FAM135B: variants seen among roughly 807,000 people sequenced by gnomAD.
FAM135B encodes family with sequence similarity 135 member B, also known as protein FAM135B.
In FAM135B, 43 loss-of-function variants were observed where a neutral mutation model predicts 127.7. That is an observed-to-expected ratio of 0.34 (90% CI 0.26 to 0.43). The LOEUF is 0.43. Among genes scored for constraint, FAM135B ranks in the 20% least tolerant of loss-of-function variants. The pLI, the probability that FAM135B is intolerant of heterozygous loss-of-function variation, is 1.00. For synonymous variants in FAM135B, 670 were observed against 665.1 expected (o/e 1.01, Z -0.11); for missense variants, 1,558 against 1,725.6 (o/e 0.90, Z 1.72).
At chr8:138,423,471 A>G (rs928223996) in intron 1 of FAM135B, among the ~76,000 whole-genome samples, 3 of 152,136 alleles carry the variant, frequency 2.0e-5, no homozygotes, top group African/African-American at 7.2e-5. Flanking sequence ...GAGACATCAC[A>G]TGTCGGTAGG....
At chr8:138,391,377 C>CTCCTT (rs138517552) in intron 1 of FAM135B, among the ~76,000 whole-genome samples, 6,647 of 152,150 alleles carry the variant, frequency 0.044, 172 homozygotes, top group Non-Finnish European at 0.055. Context: ...TCCCAGCTCC[C>CTCCTT]TCCTTTCACC....
chr8:138,346,513 T>C (rs111718968), intron 2 of FAM135B, among the ~76,000 whole-genome samples: 4,242 of 152,306 alleles, frequency 0.028, 192 homozygotes, highest in African/African-American at 0.096. Flanking sequence ...TCATGTCCTT[T>C]GCAGGGACGT....
At chr8:138,440,917 T>C (rs1014268608) in intron 1 of FAM135B, 10 of 152,198 alleles carry the variant, frequency 6.6e-5, no homozygotes, top group African/African-American at 2.4e-4. Context: ...CCTTCTACTT[T>C]GCTATTTTGG....
At chr8:138,148,097 T>C (rs968863337) in intron 14 of FAM135B, among the ~76,000 whole-genome samples, 4 of 152,218 alleles carry the variant, frequency 2.6e-5, no homozygotes, top group Non-Finnish European at 5.9e-5. Context: ...GACCATTGTA[T>C]TGACTCATGA....
intron 9 of FAM135B, among the ~76,000 whole-genome samples, chr8:138,181,189 C>T (rs1009831962): frequency 1.3e-5 from 2 of 151,922 alleles, no homozygotes; most frequent in East Asian, 1.9e-4. Context: ...TGCAGTGAGC[C>T]GAGATCGCAC....
chr8:138,389,259 A>G (rs539164888), intron 1 of FAM135B, among the ~76,000 whole-genome samples: 14 of 152,192 alleles, frequency 9.2e-5, no homozygotes, highest in Non-Finnish European at 1.8e-4. Flanking sequence ...CACCTCAATG[A>G]ATTAAACCTA....
At chr8:138,271,417 G>A (rs1823366250) in intron 3 of FAM135B, among the ~76,000 whole-genome samples, 1 of 152,114 alleles carries the variant, frequency 6.6e-6, no homozygotes, top group Admixed American at 6.5e-5. Context: ...ATGTTTGTAT[G>A]TTTTTGCTAT....
intron 2 of FAM135B, among the ~76,000 whole-genome samples, chr8:138,323,624 C>G (rs1469625700): frequency 2.0e-5 from 3 of 152,172 alleles, no homozygotes; most frequent in Non-Finnish European, 4.4e-5. Flanking sequence ...TTCTGTGTTT[C>G]TTGTGGTATC....
At chr8:138,245,922 T>C (rs192617027) in intron 6 of FAM135B, among the ~76,000 whole-genome samples, 122 of 152,262 alleles carry the variant, frequency 8.0e-4, no homozygotes, top group Non-Finnish European at 1.4e-3. Context: ...CTGATAGTGA[T>C]ATGGGCAATG....
intron 1 of FAM135B, among the ~76,000 whole-genome samples, chr8:138,430,489 C>A (rs1021082307): frequency 9.2e-5 from 14 of 152,192 alleles, no homozygotes; most frequent in African/African-American, 2.4e-4. Flanking sequence ...GAGCTCTCAG[C>A]TGAGGCTGGG....
At chr8:138,363,265 C>T (rs1830543237) in intron 2 of FAM135B, among the ~76,000 whole-genome samples, 1 of 152,130 alleles carries the variant, frequency 6.6e-6, no homozygotes, top group African/African-American at 2.4e-5. Flanking sequence ...TTGGCATCTG[C>T]TAGATACAAA....
At position 138,183,047 on chromosome 8, in the gene FAM135B, G is replaced by A. The variant is rs1027267856; in HGVS notation, c.874-4357C>T. Among the ~76,000 whole-genome samples the A allele has an allele frequency of 6.1e-5, 9 of 148,558 alleles. No individual in the cohort carries two copies. The South Asian group carries it at 8.8e-4, about 15-fold the overall frequency. Reference sequence around the variant, plus strand: ...CACACTCAGGCACACACACACCTGCGATGTCCACTCCTGTTTTAGATCTCA... The same window carrying A: ...CACACTCAGGCACACACACACCTGCAATGTCCACTCCTGTTTTAGATCTCA... On this transcript the variant is annotated intron_variant, in intron 9 of 19. Transcript: ENST00000395297.
chr8:138,353,621 T>C (rs928633514), intron 2 of FAM135B, among the ~76,000 whole-genome samples: 3 of 152,208 alleles, frequency 2.0e-5, no homozygotes, highest in African/African-American at 4.8e-5. Context: ...ATACTGGCTC[T>C]GGAGACAAAC....
chr8:138,336,932 G>C (rs1828640290), intron 2 of FAM135B, among the ~76,000 whole-genome samples: 1 of 152,192 alleles, frequency 6.6e-6, no homozygotes, highest in Non-Finnish European at 1.5e-5. Flanking sequence ...CTTCATCCCT[G>C]GGATGCAAGG....
rs1258834351 is a variant in FAM135B at position 138,208,332 on chromosome 8, T to C, written c.670-10663A>G. Reference sequence around the variant, plus strand: ...AATGATTAGACTAAATGAATACCTCTGGAAGTCTTAGCTATTCCATTGTGA... The same window carrying C: ...AATGATTAGACTAAATGAATACCTCCGGAAGTCTTAGCTATTCCATTGTGA... On this transcript the variant is annotated intron_variant, in intron 7 of 19. Coordinates refer to ENST00000395297, the MANE Select transcript of FAM135B (RefSeq NM_015912.4). Among the ~76,000 whole-genome samples the C allele has an allele frequency of 2.0e-5, 3 of 152,358 alleles. No homozygotes were observed. The East Asian group carries it at 5.8e-4, about 29-fold the overall frequency.
intron 1 of FAM135B, among the ~76,000 whole-genome samples, chr8:138,430,254 T>C (rs892538434): frequency 4.6e-5 from 7 of 152,150 alleles, no homozygotes; most frequent in Admixed American, 3.3e-4. Flanking sequence ...CAATAGTCAC[T>C]ACTGATCACC....
At chr8:138,250,111 G>A (rs1821585458) in intron 6 of FAM135B, among the ~76,000 whole-genome samples, 1 of 152,176 alleles carries the variant, frequency 6.6e-6, no homozygotes, top group Non-Finnish European at 1.5e-5. Context: ...CCAGCACTTT[G>A]AGAAGCCAAG....
chr8:138,329,107 G>C (rs138952042), intron 2 of FAM135B, among the ~76,000 whole-genome samples: 2 of 152,166 alleles, frequency 1.3e-5, no homozygotes, highest in Non-Finnish European at 2.9e-5. Flanking sequence ...ATAGGTGATC[G>C]ATTGAAAAGC....
At chr8:138,330,728 C>G (rs1176360378) in intron 2 of FAM135B, among the ~76,000 whole-genome samples, 2 of 152,120 alleles carry the variant, frequency 1.3e-5, no homozygotes, top group Non-Finnish European at 2.9e-5. Flanking sequence ...CAACCCTGTG[C>G]TCTCATTACC....
Sources: gnomAD v4.1 joint callset for allele counts (sites outside exome capture counted in the v4.1 genomes callset) on GRCh38, gnomAD v4.1.1 for gene constraint, MANE v1.5 for transcripts, NCBI Gene and HGNC (gene_info 2026-07-23, HGNC 2026-07-21) for gene names.